The following FRMPD4 variants were observed in gnomAD, a reference collection of about 807,000 sequenced individuals.
FRMPD4 encodes the protein FERM and PDZ domain-containing protein 4.
FRMPD4 carries 22 observed loss-of-function variants against 94.1 expected under a neutral mutation model. The ratio of observed to expected loss-of-function variants is 0.23; its 90% CI spans 0.17 to 0.33. The LOEUF (loss-of-function observed/expected upper bound fraction) is 0.33, where lower values mean the gene tolerates loss of function less well. Among genes scored for constraint, FRMPD4 ranks in the 10% least tolerant of loss-of-function variants. The pLI is 1.00. For missense variants in FRMPD4, 1,111 were observed against 1,339.9 expected, an observed-to-expected ratio of 0.83 and a Z score of 2.67; for synonymous variants, 631 against 548.6, an observed-to-expected ratio of 1.15 and a Z score of -2.10.
chrX:11,831,323 C>CT (rs1242955322), intron 1 of FRMPD4, among the ~76,000 whole-genome samples: 1 of 111,487 alleles, frequency 9.0e-6, no homozygotes, highest in Non-Finnish European at 1.9e-5. Flanking sequence ...TTAGAGCTGC[C>CT]TGAGGGTAGA....
chrX:12,080,353 T>C (rs2055052731), intron 3 of FRMPD4, among the ~76,000 whole-genome samples: 3 of 112,473 alleles, frequency 2.7e-5, no homozygotes, highest in African/African-American at 9.7e-5. Flanking sequence ...GTGGTCCTCC[T>C]TCTAATCACC....
chrX:12,482,084 A>C (rs1049699023), intron 1 of FRMPD4, among the ~76,000 whole-genome samples: 5 of 109,859 alleles, frequency 4.6e-5, no homozygotes, highest in Non-Finnish European at 7.6e-5. Flanking sequence ...GAATAGGTTA[A>C]GCAGGAAGAG....
In FRMPD4 at chrX:11,962,926, G is replaced by C. The variant is rs150134477; in HGVS notation, c.95+84908G>C. Among the ~76,000 whole-genome samples the C allele has an allele frequency of 9.2e-3, 1,028 of 111,601 alleles. 8 individuals are homozygous for C. Among genetic ancestry groups the C allele is most frequent in the African/African-American group, 0.032 (994 of 30,683 alleles). ...TTTTAAATGTGATCTATTTTCTTTT[G>C]TTACCCTGTTATACACATAAAATAC... On this transcript the variant is annotated intron_variant, in intron 3 of 18. Transcript: ENST00000640291.
At chrX:11,999,587 A>G (rs1378365434) in intron 3 of FRMPD4, among the ~76,000 whole-genome samples, 1 of 112,322 alleles carries the variant, frequency 8.9e-6, no homozygotes, top group African/African-American at 3.2e-5. Context: ...TGTTTGAAAC[A>G]TAATGGGGGA....
intron 2 of FRMPD4, among the ~76,000 whole-genome samples, chrX:12,528,293 C>G (rs761660177): frequency 5.5e-4 from 56 of 102,707 alleles, no homozygotes; most frequent in African/African-American, 1.5e-3. Context: ...AGTAGCCAGT[C>G]TGTTAGTCTG....
At chrX:12,483,690 G>A (rs2057711829) in intron 1 of FRMPD4, among the ~76,000 whole-genome samples, 1 of 111,658 alleles carries the variant, frequency 9.0e-6, no homozygotes, top group Non-Finnish European at 1.9e-5. Flanking sequence ...AAATGCAGAA[G>A]TTTTACTGTA....
At chrX:11,864,136 G>A (rs2147299968) in intron 1 of FRMPD4, among the ~76,000 whole-genome samples, 1 of 110,694 alleles carries the variant, frequency 9.0e-6, no homozygotes, top group East Asian at 2.8e-4. Context: ...GCAGAGGAGG[G>A]GAAGACTGGA....
chrX:12,374,691 C>T (rs776769362), intron 1 of FRMPD4, among the ~76,000 whole-genome samples: 1 of 111,509 alleles, frequency 9.0e-6, no homozygotes, highest in Non-Finnish European at 1.9e-5. Context: ...GCCATGCAAG[C>T]GCAGGGTCGG....
Position 12,720,428 on chromosome X carries a change from G to C in FRMPD4, c.3965-106G>C. ...GACCTTAGCATCGGCAGCCCTTCCAGACTACAACCTTGAGAAATGACAGAC... is the reference window on the plus strand; with the variant it reads ...GACCTTAGCATCGGCAGCCCTTCCACACTACAACCTTGAGAAATGACAGAC... On this transcript the variant is annotated intron_variant, in intron 16 of 16. Transcript: ENST00000675598. The C allele has an allele frequency of 1.0e-5, 9 of 870,709 alleles. No homozygotes were observed. In the South Asian group the frequency reaches 2.0e-4, roughly 20 times the overall value. 71.8% of individuals were successfully genotyped at this position (870,709 alleles called of 1,213,427 possible).
At chrX:12,704,547 T>G (rs1199911272) in intron 11 of FRMPD4, 62 bp downstream of exon 11, 1 of 804,989 alleles carries the variant, frequency 1.2e-6, no homozygotes, top group Non-Finnish European at 1.8e-6. Context: ...ATTTTTTAAA[T>G]GTTTAAAATT....
At chrX:11,861,598 T>C (rs944421751) in intron 1 of FRMPD4, among the ~76,000 whole-genome samples, 2 of 111,700 alleles carry the variant, frequency 1.8e-5, no homozygotes, top group African/African-American at 6.5e-5. Context: ...GCAATACTAA[T>C]TAGAAATAGG....
intron 1 of FRMPD4, among the ~76,000 whole-genome samples, chrX:12,412,431 G>A (rs1445506306): frequency 8.9e-6 from 1 of 112,435 alleles, no homozygotes; most frequent in African/African-American, 3.2e-5. Flanking sequence ...TTTCATAAAA[G>A]CAGCAGCTTG....
chrX:12,210,429 G>C (rs749035926), intron 1 of FRMPD4, among the ~76,000 whole-genome samples: 5 of 111,113 alleles, frequency 4.5e-5, no homozygotes, highest in Non-Finnish European at 9.4e-5. Flanking sequence ...AATTAGAAGC[G>C]GCCTGAGTCA....
intron 2 of FRMPD4, among the ~76,000 whole-genome samples, chrX:12,504,015 A>G (rs2057952432): frequency 8.9e-6 from 1 of 112,026 alleles, no homozygotes; most frequent in African/African-American, 3.2e-5. Flanking sequence ...ATCCCCTGTG[A>G]TATTTTTATA....
chrX:12,212,931 TG>T (rs1182780013), intron 1 of FRMPD4, among the ~76,000 whole-genome samples: 1 of 111,585 alleles, frequency 9.0e-6, no homozygotes, highest in African/African-American at 3.3e-5. Context: ...GGACTGTTTG[TG>T]GGTAAGAACA....
intron 3 of FRMPD4, among the ~76,000 whole-genome samples, chrX:12,020,042 T>G (rs1047427832): frequency 2.7e-5 from 3 of 111,791 alleles, no homozygotes; most frequent in Non-Finnish European, 5.6e-5. Context: ...TAGTGGCAGA[T>G]CTGGAATTTG....
chrX:12,295,939 A>G (rs762829854), intron 1 of FRMPD4, among the ~76,000 whole-genome samples: 6 of 111,334 alleles, frequency 5.4e-5, no homozygotes, highest in Non-Finnish European at 1.9e-5. Context: ...AGGTTGAATT[A>G]ACTGTGGCAG....
intron 1 of FRMPD4, among the ~76,000 whole-genome samples, chrX:11,849,256 T>G (rs1275265062): frequency 8.9e-6 from 1 of 111,763 alleles, no homozygotes. Context: ...GTAAGACTTA[T>G]ACACTGAAAA....
Position 12,721,253 on chromosome X carries a change from G to A in FRMPD4, c.4684G>A (p.Gly1562Arg), listed in dbSNP as rs1252466140. The change falls in exon 17 of 17, where the codon GGG becomes AGG. Residue 1562 changes from glycine (G) to arginine (R), a missense_variant. This residue lies in a region of FRMPD4 where 551 missense variants were observed against 591.6 expected (regional missense o/e 0.93). Coordinates refer to ENST00000675598, the MANE Select transcript of FRMPD4 (RefSeq NM_001368397.1). ...IQKQRGELSR[G>R]SVLKVWAEDL... ...GAAGCAACGAGGGGAGCTATCCAGA[G>A]GGTCAGTGCTGAAGGTCTGGGCAGA... 1.3e-6 allele frequency: 1 copy of A among 754,252 alleles called. No homozygotes were observed. Among genetic ancestry groups the A allele is most frequent in the Admixed American group, 8.8e-5 (1 of 11,381 alleles). 62.2% of individuals were successfully genotyped at this position (754,252 alleles called of 1,213,427 possible).
Sources: gnomAD v4.1 joint callset for allele counts (sites outside exome capture counted in the v4.1 genomes callset) on GRCh38, gnomAD v4.1.1 for gene constraint, gnomAD v4.1.1 regional missense constraint, MANE v1.5 for transcripts, NCBI Gene and HGNC (gene_info 2026-07-23, HGNC 2026-07-21) for gene names.